PTCHD1: variants seen among roughly 807,000 people sequenced by gnomAD.
The protein encoded by PTCHD1 is patched domain-containing protein 1.
In PTCHD1, 3 loss-of-function variants were observed where a neutral mutation model predicts 34.6. The ratio of observed to expected loss-of-function variants is 0.09; its 90% CI spans 0.04 to 0.22. The LOEUF (loss-of-function observed/expected upper bound fraction) is 0.22, where lower values mean the gene tolerates loss of function less well. Ranked by LOEUF, PTCHD1 falls within the 10% of genes least tolerant of loss-of-function variation. PTCHD1 has a pLI of 1.00. For synonymous variants in PTCHD1, 305 were observed against 283.1 expected (o/e 1.08, Z -0.77); for missense variants, 504 against 685.5 (o/e 0.74, Z 2.96).
intron 2 of PTCHD1, among the ~76,000 whole-genome samples, chrX:23,385,868 T>A (rs1379948652): frequency 2.7e-5 from 3 of 111,294 alleles, no homozygotes; most frequent in Non-Finnish European, 5.7e-5. Context: ...ATGTGCATAA[T>A]ATATATTATA....
At chrX:23,371,152 T>C (rs756790735) in intron 1 of PTCHD1, among the ~76,000 whole-genome samples, 464 of 112,256 alleles carry the variant, frequency 4.1e-3, no homozygotes, top group African/African-American at 0.014. Context: ...CAGACACCTT[T>C]TATAGGTAAT....
At chrX:23,366,219 T>C (rs1922135862) in intron 1 of PTCHD1, among the ~76,000 whole-genome samples, 1 of 112,153 alleles carries the variant, frequency 8.9e-6, no homozygotes, top group Non-Finnish European at 1.9e-5. Context: ...GGTGTCTTAT[T>C]TTGTCTCCCT....
chrX:23,355,804 T>C (rs944116594), intron 1 of PTCHD1, among the ~76,000 whole-genome samples: 1 of 112,353 alleles, frequency 8.9e-6, no homozygotes, highest in African/African-American at 3.2e-5. Flanking sequence ...TTTTTAAATA[T>C]TTAAATATTC....
In PTCHD1 at chrX:23,399,530, T is replaced by C. The variant is rs1051696100; in HGVS notation, c.*5345T>C. On this transcript the variant is annotated 3_prime_UTR_variant, in exon 3 of 3. Transcript: ENST00000379361. Reference sequence around the variant, plus strand: ...AATACAGACCTCATTGGGAGTGTGATCCTGGTGTCCTCATTTTGGCTAATG... The same window carrying C: ...AATACAGACCTCATTGGGAGTGTGACCCTGGTGTCCTCATTTTGGCTAATG... 3 of 112,060 alleles carry C rather than the reference T, an allele frequency of 2.7e-5. No homozygotes were observed. Among genetic ancestry groups the C allele is most frequent in the Non-Finnish European group, 5.6e-5 (3 of 53,241 alleles). The allele number at this position is 112,060 out of a possible 1,213,427, so 9.2% of individuals were successfully genotyped here. A position where few individuals can be genotyped will look rare whatever the true frequency, so the allele number is the denominator to read the frequency against.
intron 1 of PTCHD1, among the ~76,000 whole-genome samples, chrX:23,349,182 T>G (rs1921558580): frequency 9.1e-6 from 1 of 110,438 alleles, no homozygotes; most frequent in Non-Finnish European, 1.9e-5. Flanking sequence ...GATAAAATGC[T>G]CAATTAAAAC....
intron 1 of PTCHD1, among the ~76,000 whole-genome samples, chrX:23,364,865 C>G (rs959960942): frequency 2.7e-5 from 3 of 112,770 alleles, no homozygotes; most frequent in Admixed American, 9.3e-5. Context: ...AACTATGTCT[C>G]TAAGCTTTTA....
rs1922983272 is a variant in PTCHD1 at position 23,396,092 on chromosome X, G to C, written c.*1907G>C. 1 of 112,344 alleles carries C rather than the reference G, an allele frequency of 8.9e-6. No homozygotes were observed. Among genetic ancestry groups the C allele is most frequent in the Non-Finnish European group, 1.9e-5 (1 of 53,216 alleles). The allele number at this position is 112,344 out of a possible 1,213,427, so 9.3% of individuals were successfully genotyped here. On this transcript the variant is annotated 3_prime_UTR_variant, in exon 3 of 3. Transcript: ENST00000379361. ...TGGAATTAAAATGTTTGAGGTTTAG[G>C]TTTGCCATTGTCTTTCCAAAAGGCC...
intron 1 of PTCHD1, among the ~76,000 whole-genome samples, chrX:23,339,198 G>T (rs1055826985): frequency 8.9e-6 from 1 of 111,952 alleles, no homozygotes; most frequent in Admixed American, 9.5e-5. Context: ...CCATAAAAAC[G>T]AATTTGAAAT....
At chrX:23,367,307 C>T (rs1392534202) in intron 1 of PTCHD1, among the ~76,000 whole-genome samples, 2 of 112,178 alleles carry the variant, frequency 1.8e-5, no homozygotes, top group African/African-American at 6.5e-5. Flanking sequence ...TCTGGCCTCC[C>T]ACCTGCCCAG....
At chrX:23,355,999 C>T (rs1441463132) in intron 1 of PTCHD1, among the ~76,000 whole-genome samples, 1 of 111,954 alleles carries the variant, frequency 8.9e-6, no homozygotes, top group Non-Finnish European at 1.9e-5. Context: ...GATCCTTTCC[C>T]ACATGTTCTG....
chrX:23,374,297 A>C (rs904346360), intron 1 of PTCHD1, among the ~76,000 whole-genome samples: 1 of 98,999 alleles, frequency 1.0e-5, no homozygotes, highest in African/African-American at 3.6e-5. Context: ...AAAAAAAAAA[A>C]AAAAAAAAAA....
intron 2 of PTCHD1, among the ~76,000 whole-genome samples, chrX:23,382,086 T>G (rs1219138390): frequency 9.0e-6 from 1 of 111,470 alleles, no homozygotes; most frequent in Non-Finnish European, 1.9e-5. Flanking sequence ...AGTGGGGAAC[T>G]GAAGGGAGAT....
chrX:23,376,143 T>C (rs1420563310), intron 1 of PTCHD1, among the ~76,000 whole-genome samples: 1 of 112,261 alleles, frequency 8.9e-6, no homozygotes. Context: ...AAAATTATCC[T>C]ATTATTGACA....
intron 2 of PTCHD1, among the ~76,000 whole-genome samples, chrX:23,382,554 A>C (rs1462840386): frequency 8.9e-6 from 1 of 112,658 alleles, no homozygotes; most frequent in African/African-American, 3.2e-5. Flanking sequence ...TTAAAAAACA[A>C]ATCCAGAAAT....
intron 1 of PTCHD1, among the ~76,000 whole-genome samples, chrX:23,367,117 C>G (rs1163537326): frequency 8.9e-6 from 1 of 112,361 alleles, no homozygotes; most frequent in Non-Finnish European, 1.9e-5. Context: ...CCACTAAACT[C>G]TACGTTACTT....
At position 23,367,217 on chromosome X, in the gene PTCHD1, A is replaced by T. The variant is rs1201760438; in HGVS notation, c.352-12374A>T. On this transcript the variant is annotated intron_variant, in intron 1 of 2. Coordinates refer to ENST00000379361, the MANE Select transcript of PTCHD1 (RefSeq NM_173495.3). ...TAGTCCCTTAATATATGTTGAGTAAATGCATCATTGCTATAATTGGTGATG... is the reference window on the plus strand; with the variant it reads ...TAGTCCCTTAATATATGTTGAGTAATTGCATCATTGCTATAATTGGTGATG... Among the ~76,000 whole-genome samples, 3 of 112,042 alleles carry T rather than the reference A, an allele frequency of 2.7e-5. No individual in the cohort carries two copies. The East Asian group carries it at 8.4e-4, about 31-fold the overall frequency.
chrX:23,401,531 G>T lies in PTCHD1; in HGVS notation c.*7346G>T, dbSNP rs1320076237. On this transcript the variant is annotated 3_prime_UTR_variant, in exon 3 of 3. Coordinates refer to ENST00000379361, the MANE Select transcript of PTCHD1 (RefSeq NM_173495.3). ...CACATACACATTGACACACATAAAT[G>T]TACACATGCATATATGTGTGTACAA... 1 of 112,507 alleles carries T rather than the reference G, an allele frequency of 8.9e-6. No individual in the cohort carries two copies. The highest frequency in any genetic ancestry group is 3.2e-5 in the African/African-American group (1 of 30,948). The allele number at this position is 112,507 out of a possible 1,213,427, so 9.3% of individuals were successfully genotyped here.
In PTCHD1 at chrX:23,342,019, G is replaced by C. The variant is rs539791634; in HGVS notation, c.351+6793G>C. Reference sequence around the variant, plus strand: ...GATATCAGAAAAGGCTGATAGGGGAGTGGGGAAGTAAAACAGTGAGTAGCA... The same window carrying C: ...GATATCAGAAAAGGCTGATAGGGGACTGGGGAAGTAAAACAGTGAGTAGCA... On this transcript the variant is annotated intron_variant, in intron 1 of 2. Transcript: ENST00000379361. Among the ~76,000 whole-genome samples the C allele has an allele frequency of 1.3e-4, 14 of 109,378 alleles. No homozygotes were observed. The East Asian group carries it at 3.7e-3, about 29-fold the overall frequency. 95.0% of individuals were successfully genotyped at this position (109,378 alleles called of 115,157 possible). A position where few individuals can be genotyped will look rare whatever the true frequency, so the allele number is the denominator to read the frequency against.
upstream of PTCHD1, chrX:23,334,785 G>A (rs1921109527): frequency 4.0e-5 from 15 of 371,999 alleles, no homozygotes; most frequent in Non-Finnish European, 5.1e-5. Context: ...CGCGGGCGCC[G>A]CTGCCGCCGC....
Sources: gnomAD v4.1 joint callset for allele counts (sites outside exome capture counted in the v4.1 genomes callset) on GRCh38, gnomAD v4.1.1 for gene constraint, MANE v1.5 for transcripts, NCBI Gene and HGNC (gene_info 2026-07-23, HGNC 2026-07-21) for gene names.